The following ETFBKMT variants were observed in gnomAD, a reference collection of about 807,000 sequenced individuals.
ETFBKMT encodes electron transfer flavoprotein subunit beta lysine methyltransferase.
Under a neutral mutation model 18.3 loss-of-function variants are expected in ETFBKMT, and 13 were observed. That is an observed-to-expected ratio of 0.71 (90% CI 0.46 to 1.13). The LOEUF (loss-of-function observed/expected upper bound fraction) is 1.13. ETFBKMT is among the 50% of genes most tolerant of loss of function. The pLI is 0.00. For synonymous variants in ETFBKMT, 84 were observed against 107.9 expected, an observed-to-expected ratio of 0.78 and a Z score of 1.37; for missense variants, 293 against 306.2, an observed-to-expected ratio of 0.96 and a Z score of 0.32.
At chr12:31,653,196 G>A (rs894363778) in intron 1 of ETFBKMT, among the ~76,000 whole-genome samples, 139 of 144,026 alleles carry the variant, frequency 9.7e-4, no homozygotes, top group Admixed American at 9.4e-3. Flanking sequence ...GCTATGCAGC[G>A]AGACTCCGTC....
Position 31,650,576 on chromosome 12 carries a change from C to G in ETFBKMT, c.-114+3321C>G, listed in dbSNP as rs558595099. Reference sequence around the variant, plus strand: ...TCTCTTGGGATCTGAATCGTGATCCCTTTCCAGTAACACTAAGAGGGTTTT... The same window carrying G: ...TCTCTTGGGATCTGAATCGTGATCCGTTTCCAGTAACACTAAGAGGGTTTT... On this transcript the variant is annotated intron_variant, in intron 1 of 3. Transcript: ENST00000412352. Among the ~76,000 whole-genome samples, 193 of 150,946 alleles carry G rather than the reference C, an allele frequency of 1.3e-3. 1 individual carries two copies. Among genetic ancestry groups the G allele is most frequent in the African/African-American group, 4.4e-3 (180 of 41,082 alleles).
chr12:31,663,519 C>G (rs1951155425), intron 2 of ETFBKMT, among the ~76,000 whole-genome samples: 1 of 152,212 alleles, frequency 6.6e-6, no homozygotes, highest in Admixed American at 6.5e-5. Flanking sequence ...AGCCATCGTG[C>G]CTGGCAGTAG....
chr12:31,665,345 C>G (rs913561367), intron 2 of ETFBKMT, among the ~76,000 whole-genome samples: 2 of 152,196 alleles, frequency 1.3e-5, no homozygotes, highest in Admixed American at 6.5e-5. Flanking sequence ...GTCCTTTCTT[C>G]TGCCACCTCT....
intron 2 of ETFBKMT, among the ~76,000 whole-genome samples, chr12:31,664,347 A>G (rs1951166410): frequency 6.6e-6 from 1 of 152,160 alleles, no homozygotes; most frequent in Non-Finnish European, 1.5e-5. Flanking sequence ...GATGGAGTCA[A>G]GAGGAGACAG....
chr12:31,657,620 C>T (rs563916471), upstream of ETFBKMT, among the ~76,000 whole-genome samples: 2 of 151,904 alleles, frequency 1.3e-5, no homozygotes, highest in East Asian at 1.9e-4. Flanking sequence ...GGTGAAACCC[C>T]GTCTCTACTA....
In ETFBKMT at chr12:31,669,530, T is replaced by C. The variant is rs904126434; in HGVS notation, c.*1540T>C. The C allele has an allele frequency of 3.3e-5, 5 of 152,204 alleles. No homozygotes were observed. The highest frequency in any genetic ancestry group is 7.2e-5 in the African/African-American group (3 of 41,444). 9.4% of individuals were successfully genotyped at this position (152,204 alleles called of 1,614,324 possible). A position where few individuals can be genotyped will look rare whatever the true frequency, so the allele number is the denominator to read the frequency against. ...TTAAGGAGAACTGAACACTTGGGCA[T>C]ATTTCAAAATGGTTACTTTCCCTAT... On this transcript the variant is annotated 3_prime_UTR_variant, in exon 4 of 4. Transcript: ENST00000357721.
At chr12:31,654,314 T>C (rs1394342127), upstream of ETFBKMT, among the ~76,000 whole-genome samples, 2 of 152,210 alleles carry the variant, frequency 1.3e-5, no homozygotes, top group Non-Finnish European at 2.9e-5. Flanking sequence ...CCTCCCAAAG[T>C]GCTGGGATTA....
At chr12:31,651,764 C>A (rs1592131470) in intron 1 of ETFBKMT, among the ~76,000 whole-genome samples, 1 of 152,316 alleles carries the variant, frequency 6.6e-6, no homozygotes, top group Non-Finnish European at 1.5e-5. Context: ...TTCACTGATA[C>A]AGGAGTTTAG....
rs866831272 is a variant in ETFBKMT, at chr12:31,670,750, A to G, written c.*2760A>G. On this transcript the variant is annotated 3_prime_UTR_variant, in exon 4 of 4. Coordinates refer to ENST00000357721, the MANE Select transcript of ETFBKMT (RefSeq NM_001135863.2). ...ATTTCTTTCCATATTTACTTATTCA[A>G]TGAATATTTGAGTGCTTATTATATA... 6.6e-6 allele frequency: 1 copy of G among 152,038 alleles called. No homozygotes were observed. Among genetic ancestry groups the G allele is most frequent in the Non-Finnish European group, 1.5e-5 (1 of 68,040 alleles). The allele number at this position is 152,038 out of a possible 1,614,324, so 9.4% of individuals were successfully genotyped here.
intron 1 of ETFBKMT, among the ~76,000 whole-genome samples, chr12:31,652,147 G>T (rs918235684): frequency 6.6e-6 from 1 of 152,174 alleles, no homozygotes; most frequent in Non-Finnish European, 1.5e-5. Flanking sequence ...ATGTAAATCA[G>T]ACACCGTCTC....
At chr12:31,654,808 C>G (rs1951046479), upstream of ETFBKMT, among the ~76,000 whole-genome samples, 2 of 152,104 alleles carry the variant, frequency 1.3e-5, no homozygotes, top group African/African-American at 2.4e-5. Flanking sequence ...GTAAACCCAG[C>G]ACTTCGGGAG....
In ETFBKMT at chr12:31,667,695, C is replaced by T; in HGVS notation, c.494C>T (p.Pro165Leu). The stretch of plus-strand genomic sequence containing the variant: ...AATTGTGAATTGAACAGACTGAATC[C>T]TTTTCCTATTTTAATCCAAAACATT... ...TLNCELNRLN[P>L]FPILIQNILN... Residue 165 changes from proline to leucine, a missense_variant, in exon 4 of 4, where the codon CCT becomes CTT. Pro to Leu is a moderately conservative substitution (Grantham distance 98). Coordinates refer to ENST00000357721, the MANE Select transcript of ETFBKMT (RefSeq NM_001135863.2). 6.2e-7 allele frequency: 1 copy of T among 1,613,526 alleles called. No individual in the cohort carries two copies. Among genetic ancestry groups the T allele is most frequent in the African/African-American group, 1.3e-5 (1 of 74,856 alleles).
At chr12:31,662,434 G>T (rs1029445004) in intron 2 of ETFBKMT, among the ~76,000 whole-genome samples, 167 bp downstream of exon 2, 1 of 152,024 alleles carries the variant, frequency 6.6e-6, no homozygotes, top group Non-Finnish European at 1.5e-5. Flanking sequence ...CTGCACTCTC[G>T]CCTGGCCTGT....
At chr12:31,652,990 C>T (rs1367000143) in intron 1 of ETFBKMT, among the ~76,000 whole-genome samples, 2 of 152,198 alleles carry the variant, frequency 1.3e-5, no homozygotes, top group Admixed American at 1.3e-4. Flanking sequence ...CGGCGGATTG[C>T]CTGAGCTCAG....
rs78508773 is a variant in ETFBKMT, at chr12:31,669,218, A to G, written c.*1228A>G. 2,553 of 152,226 alleles carry G rather than the reference A, an allele frequency of 0.017. 30 individuals are homozygous for G. Among genetic ancestry groups the G allele is most frequent in the Non-Finnish European group, 0.025 (1,669 of 68,020 alleles). The allele number at this position is 152,226 out of a possible 1,614,324, so 9.4% of individuals were successfully genotyped here. On this transcript the variant is annotated 3_prime_UTR_variant, in exon 4 of 4. Transcript: ENST00000357721. ...AGTTTCCCTAGAGATTCCTTCTTAT[A>G]TAGAGTCTGAAGCTTGCAGTTTTTT...
intron 1 of ETFBKMT, among the ~76,000 whole-genome samples, chr12:31,649,283 A>G (rs1052104595): frequency 6.6e-6 from 1 of 152,228 alleles, no homozygotes; most frequent in African/African-American, 2.4e-5. Flanking sequence ...GGTTGAATCT[A>G]CGGATGTGAA....
chr12:31,663,342 C>T lies in ETFBKMT; in HGVS notation c.314+1075C>T, dbSNP rs189735358. ...TTCTGACCTCGTGATCCGCCCTCCT[C>T]GGCCTCCCAAAGTGCTGGGATTACA... On this transcript the variant is annotated intron_variant, in intron 2 of 3. Coordinates refer to ENST00000357721, the MANE Select transcript of ETFBKMT (RefSeq NM_001135863.2). Among the ~76,000 whole-genome samples the T allele has an allele frequency of 7.4e-3, 1,119 of 152,210 alleles. 10 individuals are homozygous for T. The highest frequency in any genetic ancestry group is 0.026 in the African/African-American group (1,060 of 41,532).
At chr12:31,661,187 A>C (rs1343378565) in intron 1 of ETFBKMT, among the ~76,000 whole-genome samples, 1 of 152,228 alleles carries the variant, frequency 6.6e-6, no homozygotes, top group Non-Finnish European at 1.5e-5. Flanking sequence ...AAGGGACTTG[A>C]GTATCCTCTG....
At chr12:31,664,305 C>T (rs754436380) in intron 2 of ETFBKMT, among the ~76,000 whole-genome samples, 4 of 152,016 alleles carry the variant, frequency 2.6e-5, no homozygotes, top group African/African-American at 9.7e-5. Context: ...GGTCATTATA[C>T]TACATTTCAA....
Sources: allele counts gnomAD v4.1 joint callset (sites outside exome capture counted in the v4.1 genomes callset), GRCh38; gene constraint gnomAD v4.1.1; transcripts MANE v1.5; gene names NCBI Gene and HGNC (gene_info 2026-07-23, HGNC 2026-07-21).